Variants in EGLN1 observed in about 807,000 individuals in gnomAD.
EGLN1 encodes the protein egl-9 family hypoxia inducible factor 1.
Under a neutral mutation model 38.3 loss-of-function variants are expected in EGLN1, and 17 were observed. That is an observed-to-expected ratio of 0.44 (90% CI 0.30 to 0.67). The LOEUF (loss-of-function observed/expected upper bound fraction) is 0.67, where lower values mean the gene tolerates loss of function less well. Ranked by LOEUF, EGLN1 falls within the 30% of genes least tolerant of loss-of-function variation. EGLN1 has a pLI of 0.08. For synonymous variants in EGLN1, 283 were observed against 257.5 expected (o/e 1.10, Z -0.95); for missense variants, 477 against 603.3 (o/e 0.79, Z 2.19).
At chr1:231,386,830 T>C (rs563020491) in intron 1 of EGLN1, among the ~76,000 whole-genome samples, 144 of 152,310 alleles carry the variant, frequency 9.5e-4, no homozygotes, top group African/African-American at 3.3e-3. Context: ...TTGCTAAAGA[T>C]TGATAGAAGT....
At chr1:231,417,803 A>C (rs1447351468) in intron 1 of EGLN1, among the ~76,000 whole-genome samples, 1 of 152,196 alleles carries the variant, frequency 6.6e-6, no homozygotes, top group Non-Finnish European at 1.5e-5. Context: ...TTCAGGGGAA[A>C]ACAAAGCCTA....
chr1:231,383,266 A>G (rs371647982), intron 1 of EGLN1, among the ~76,000 whole-genome samples: 97 of 152,076 alleles, frequency 6.4e-4, no homozygotes, highest in African/African-American at 2.2e-3. Flanking sequence ...GATTTGTAAC[A>G]CTCATTTAAC....
chr1:231,383,057 C>CAAAAAAAAAAAAAAAAAA (rs547747077), intron 1 of EGLN1, among the ~76,000 whole-genome samples: 1 of 70,562 alleles, frequency 1.4e-5, no homozygotes, highest in African/African-American at 6.3e-5. Flanking sequence ...AACTCTGTCT[C>CAAAAAAAAAAAAAAAAAA]AAAAAAAAAA....
chr1:231,397,004 C>G (rs1688546906), intron 1 of EGLN1, among the ~76,000 whole-genome samples: 1 of 152,184 alleles, frequency 6.6e-6, no homozygotes, highest in African/African-American at 2.4e-5. Flanking sequence ...GTCTTCTTAT[C>G]TATCTCCCTC....
chr1:231,396,175 C>G (rs970675424), intron 1 of EGLN1, among the ~76,000 whole-genome samples: 7 of 151,742 alleles, frequency 4.6e-5, no homozygotes, highest in African/African-American at 1.7e-4. Flanking sequence ...GGTTTTCTTC[C>G]TTTTCTTTCA....
chr1:231,376,728 T>C lies in EGLN1; in HGVS notation c.892-2629A>G, dbSNP rs1334122283. 3.3e-5 allele frequency among the ~76,000 whole-genome samples: 5 copies of C among 152,246 alleles called. No homozygotes were observed. The South Asian group carries it at 8.3e-4, about 25-fold the overall frequency. On this transcript the variant is annotated intron_variant, in intron 1 of 4. Coordinates refer to ENST00000366641, the MANE Select transcript of EGLN1 (RefSeq NM_022051.3). Reference sequence around the variant, plus strand: ...TGAAAAGTTGTATTTTCTTAAGATATGAAAAAAATTAGGTATATAGAGAAA... The same window carrying C: ...TGAAAAGTTGTATTTTCTTAAGATACGAAAAAAATTAGGTATATAGAGAAA...
At chr1:231,397,011 C>T (rs1328203779) in intron 1 of EGLN1, among the ~76,000 whole-genome samples, 1 of 152,126 alleles carries the variant, frequency 6.6e-6, no homozygotes, top group Non-Finnish European at 1.5e-5. Flanking sequence ...TATCTATCTC[C>T]CTCCCTCCAG....
Position 231,422,018 on chromosome 1 carries a change from T to C in EGLN1, c.-130A>G. 3 of 1,047,270 alleles carry C rather than the reference T, an allele frequency of 2.9e-6. No individual in the cohort carries two copies. The highest frequency in any genetic ancestry group is 3.7e-6 in the Non-Finnish European group (3 of 804,680). 64.9% of individuals were successfully genotyped at this position (1,047,270 alleles called of 1,614,324 possible). A position where few individuals can be genotyped will look rare whatever the true frequency, so the allele number is the denominator to read the frequency against. ...TTACTGCGCCATGCACCCGCTACCC[T>C]CGCCTCAGGGAGGCCGGCACCCCAC... On this transcript the variant is annotated 5_prime_UTR_variant, in exon 1 of 5. Coordinates refer to ENST00000366641, the MANE Select transcript of EGLN1 (RefSeq NM_022051.3).
At chr1:231,399,546 C>CA (rs1239708941) in intron 1 of EGLN1, among the ~76,000 whole-genome samples, 1 of 152,182 alleles carries the variant, frequency 6.6e-6, no homozygotes, top group African/African-American at 2.4e-5. Flanking sequence ...AGTACAGTAT[C>CA]ATGTAAGCCA....
intron 1 of EGLN1, among the ~76,000 whole-genome samples, chr1:231,416,496 C>T (rs2050793): frequency 0.13 from 20,027 of 150,190 alleles, 1,558 homozygotes; most frequent in African/African-American, 0.19. Context: ...GCAATCATCC[C>T]ACCTGAGACC....
rs144062756 is a variant in EGLN1 at position 231,369,801 on chromosome 1, T to C, written c.1148+761A>G. ...ATGCCGGAAGCTCACTATCAGAATG[T>C]TCCAAGACCTTTCCATAATAAAAAA... On this transcript the variant is annotated intron_variant, in intron 3 of 4. Coordinates refer to ENST00000366641, the MANE Select transcript of EGLN1 (RefSeq NM_022051.3). Among the ~76,000 whole-genome samples the C allele has an allele frequency of 5.3e-5, 8 of 152,344 alleles. No homozygotes were observed. The East Asian group carries it at 1.5e-3, about 29-fold the overall frequency.
intron 1 of EGLN1, chr1:231,420,452 G>A (rs1656541523): frequency 5.7e-6 from 1 of 176,626 alleles, no homozygotes; most frequent in Non-Finnish European, 1.2e-5. Context: ...AGCTCTTCCT[G>A]AATACAGAGT....
At chr1:231,404,485 C>G (rs1688739283) in intron 1 of EGLN1, among the ~76,000 whole-genome samples, 1 of 151,852 alleles carries the variant, frequency 6.6e-6, no homozygotes, top group African/African-American at 2.4e-5. Flanking sequence ...TCAGTAAGAC[C>G]TGTAAAATAA....
chr1:231,401,708 C>T (rs1489160648), intron 1 of EGLN1, among the ~76,000 whole-genome samples: 1 of 152,114 alleles, frequency 6.6e-6, no homozygotes, highest in Non-Finnish European at 1.5e-5. Flanking sequence ...TGATGAAGCA[C>T]ACTCTGTTTA....
intron 1 of EGLN1, among the ~76,000 whole-genome samples, chr1:231,401,675 C>G (rs1456157560): frequency 6.6e-6 from 1 of 152,148 alleles, no homozygotes; most frequent in Non-Finnish European, 1.5e-5. Flanking sequence ...CTTCATTTTA[C>G]TGCTAAATAG....
chr1:231,401,843 T>C (rs1032299391), intron 1 of EGLN1, among the ~76,000 whole-genome samples: 1 of 152,150 alleles, frequency 6.6e-6, no homozygotes, highest in African/African-American at 2.4e-5. Flanking sequence ...AATTCCTGGG[T>C]CATATGATAA....
At chr1:231,409,877 T>C (rs988396409) in intron 1 of EGLN1, among the ~76,000 whole-genome samples, 2 of 150,890 alleles carry the variant, frequency 1.3e-5, no homozygotes, top group Non-Finnish European at 2.9e-5. Flanking sequence ...AATTAATGCT[T>C]TAGGTTAGAA....
intron 1 of EGLN1, among the ~76,000 whole-genome samples, chr1:231,384,120 AG>A (rs1375636214): frequency 6.6e-6 from 1 of 152,154 alleles, no homozygotes; most frequent in Non-Finnish European, 1.5e-5. Flanking sequence ...TTAGAGCAAC[AG>A]TAAGAGTGTG....
chr1:231,396,539 A>C (rs551177068), intron 1 of EGLN1, among the ~76,000 whole-genome samples: 2 of 152,244 alleles, frequency 1.3e-5, no homozygotes, highest in Non-Finnish European at 1.5e-5. Flanking sequence ...GGTGTGAGCC[A>C]CCGAGCCCGG....
Sources: allele counts gnomAD v4.1 joint callset (sites outside exome capture counted in the v4.1 genomes callset), GRCh38; gene constraint gnomAD v4.1.1; transcripts MANE v1.5; gene names NCBI Gene and HGNC (gene_info 2026-07-23, HGNC 2026-07-21).